The following CIB4 variants were observed in gnomAD, a reference collection of about 807,000 sequenced individuals.
CIB4 encodes calcium and integrin-binding family member 4.
CIB4 carries 25 observed loss-of-function variants against 25.8 expected under a neutral mutation model. The ratio of observed to expected loss-of-function variants is 0.97; its 90% CI spans 0.71 to 1.35. The LOEUF (loss-of-function observed/expected upper bound fraction) is 1.35, where lower values mean the gene tolerates loss of function less well. Ranked by LOEUF, CIB4 falls within the 40% of genes most tolerant of loss-of-function variation. The pLI is 0.00. For synonymous variants in CIB4, 75 were observed against 81.4 expected (o/e 0.92, Z 0.42); for missense variants, 235 against 228.2 (o/e 1.03, Z -0.19).
intron 3 of CIB4, among the ~76,000 whole-genome samples, chr2:26,598,280 AC>A (rs1162206237): frequency 1.3e-5 from 2 of 151,722 alleles, no homozygotes; most frequent in Non-Finnish European, 2.9e-5. Context: ...AGCCTGGGTG[AC>A]AGAGGGAGAC....
At chr2:26,584,713 G>T (rs1446256632) in intron 4 of CIB4, among the ~76,000 whole-genome samples, 2 of 152,204 alleles carry the variant, frequency 1.3e-5, no homozygotes, top group African/African-American at 4.8e-5. Context: ...ACCATGGCAG[G>T]CTCCTTACAT....
chr2:26,615,595 A>G (rs1669076981), intron 3 of CIB4, among the ~76,000 whole-genome samples: 1 of 151,976 alleles, frequency 6.6e-6, no homozygotes, highest in Admixed American at 6.5e-5. Flanking sequence ...TTCTTCCCCA[A>G]CTTCCCAGGC....
intron 4 of CIB4, among the ~76,000 whole-genome samples, chr2:26,589,016 TC>T: frequency 4.1e-5 from 1 of 24,626 alleles, no homozygotes; most frequent in East Asian, 1.2e-3. Flanking sequence ...TTCTTCTTCT[TC>T]TTCTTCTTCT....
intron 3 of CIB4, among the ~76,000 whole-genome samples, chr2:26,599,173 T>G (rs1353515964): frequency 6.6e-6 from 1 of 152,172 alleles, no homozygotes; most frequent in Non-Finnish European, 1.5e-5. Flanking sequence ...ATTTCAAGAA[T>G]AACATGTACC....
chr2:26,592,040 C>T (rs1668595566), intron 4 of CIB4, among the ~76,000 whole-genome samples: 1 of 152,240 alleles, frequency 6.6e-6, no homozygotes, highest in Non-Finnish European at 1.5e-5. Flanking sequence ...TCCTAACCCA[C>T]AGAAACTGTG....
intron 4 of CIB4, among the ~76,000 whole-genome samples, chr2:26,593,355 C>T (rs1668621786): frequency 6.6e-6 from 1 of 150,708 alleles, no homozygotes; most frequent in Non-Finnish European, 1.5e-5. Flanking sequence ...TACATATATA[C>T]ATATACATAT....
At chr2:26,622,178 T>C (rs1669216436) in intron 3 of CIB4, among the ~76,000 whole-genome samples, 1 of 151,968 alleles carries the variant, frequency 6.6e-6, no homozygotes, top group Non-Finnish European at 1.5e-5. Context: ...CTGGCCTACA[T>C]GGTGAAACCC....
At chr2:26,583,554 C>A (rs1668392217) in intron 5 of CIB4, among the ~76,000 whole-genome samples, 1 of 152,134 alleles carries the variant, frequency 6.6e-6, no homozygotes, top group Non-Finnish European at 1.5e-5. Flanking sequence ...GGAGGAAGGA[C>A]AGAAAGTGGA....
chr2:26,613,717 G>A (rs561984190), intron 3 of CIB4, among the ~76,000 whole-genome samples: 5 of 152,300 alleles, frequency 3.3e-5, no homozygotes, highest in African/African-American at 1.2e-4. Flanking sequence ...GAGACTTTAG[G>A]GTTTGCATCC....
chr2:26,602,628 C>A (rs1214712074), intron 3 of CIB4, among the ~76,000 whole-genome samples: 2 of 152,068 alleles, frequency 1.3e-5, no homozygotes, highest in African/African-American at 4.8e-5. Flanking sequence ...GTATACATAC[C>A]TATATTTTCT....
chr2:26,631,978 T>C (rs1302309458), intron 2 of CIB4, among the ~76,000 whole-genome samples: 1 of 152,178 alleles, frequency 6.6e-6, no homozygotes, highest in Non-Finnish European at 1.5e-5. Flanking sequence ...TTCTGAACAG[T>C]TCCTTCACTG....
Position 26,595,341 on chromosome 2 carries a change from G to A in CIB4, c.187-24C>T, listed in dbSNP as rs199881028. On this transcript the variant is annotated intron_variant, in intron 3 of 6. Coordinates refer to ENST00000288861, the MANE Select transcript of CIB4 (RefSeq NM_001029881.3). ...ACCTGTGGGCGACAGGAGGAGCAGG[G>A]AGGAGGTCTATCAGGGTCGGGGCTG... 8 of 1,605,882 alleles carry A rather than the reference G, an allele frequency of 5.0e-6. No homozygotes were observed. In the Admixed American group the frequency reaches 6.7e-5, roughly 13 times the overall value.
intron 4 of CIB4, among the ~76,000 whole-genome samples, chr2:26,585,107 A>C (rs909426665): frequency 6.6e-6 from 1 of 152,166 alleles, no homozygotes; most frequent in Non-Finnish European, 1.5e-5. Flanking sequence ...AGCCACCTTG[A>C]GGGGTGTCCT....
At chr2:26,635,155 T>C (rs1173409058) in intron 2 of CIB4, among the ~76,000 whole-genome samples, 1 of 152,250 alleles carries the variant, frequency 6.6e-6, no homozygotes, top group Non-Finnish European at 1.5e-5. Flanking sequence ...AAAGGGACCT[T>C]GCTTTTGCTG....
At chr2:26,588,978 TTTCTTCTTCTTCTTCTTCTTC>T (rs879474454) in intron 4 of CIB4, among the ~76,000 whole-genome samples, 7 of 69,888 alleles carry the variant, frequency 1.0e-4, no homozygotes, top group African/African-American at 3.3e-4. Context: ...CCGCTTCTTC[TTTCTTCTTCTTCTTCTTCTTC>T]TTCTTCTTCT....
chr2:26,595,219 C>T lies in CIB4; in HGVS notation c.285G>A (p.Gln95=), dbSNP rs1668657992. 1 of 1,613,926 alleles carries T rather than the reference C, an allele frequency of 6.2e-7. No individual in the cohort carries two copies. The highest frequency in any genetic ancestry group is 1.1e-5 in the South Asian group (1 of 91,072). The change falls in exon 4 of 7, where the codon CAG becomes CAA. Residue 95 remains glutamine (Q), a synonymous_variant. Coordinates refer to ENST00000288861, the MANE Select transcript of CIB4 (RefSeq NM_001029881.3). ...VLGMASVFSE[Q]ACPSLKIEYA... is the part of the protein sequence containing the mutation. ...ACTCAATCTTCAGGCTTGGGCAGGC[C>T]TGCTCGCTGAACACAGATGCCATGC...
At chr2:26,597,992 TCTTA>T (rs1157070523) in intron 3 of CIB4, among the ~76,000 whole-genome samples, 3 of 151,836 alleles carry the variant, frequency 2.0e-5, no homozygotes, top group East Asian at 3.9e-4. Flanking sequence ...CCTCTAAAAT[TCTTA>T]CTTTAATAAA....
rs575907008 is a variant in CIB4, at chr2:26,588,798, G to A, written c.329-4900C>T. Among the ~76,000 whole-genome samples, 17 of 152,274 alleles carry A rather than the reference G, an allele frequency of 1.1e-4. No individual in the cohort carries two copies. The East Asian group carries it at 3.3e-3, about 29-fold the overall frequency. ...GGTGGAGGCTGTGCTGATGGGAGCA[G>A]GAAGACATTGCTGGGATGGTGGTCT... On this transcript the variant is annotated intron_variant, in intron 4 of 6. Coordinates refer to ENST00000288861, the MANE Select transcript of CIB4 (RefSeq NM_001029881.3).
chr2:26,611,639 TA>T (rs915678442), intron 3 of CIB4, among the ~76,000 whole-genome samples: 12 of 152,016 alleles, frequency 7.9e-5, no homozygotes, highest in South Asian at 2.1e-4. Flanking sequence ...ATGTCTAAAC[TA>T]AAAAAAATTC....
Sources: allele counts gnomAD v4.1 joint callset (sites outside exome capture counted in the v4.1 genomes callset), GRCh38; gene constraint gnomAD v4.1.1; transcripts MANE v1.5; gene names NCBI Gene and HGNC (gene_info 2026-07-23, HGNC 2026-07-21).